EEFSEC: variants seen among roughly 807,000 people sequenced by gnomAD.
EEFSEC encodes the protein eukaryotic elongation factor, selenocysteine-tRNA specific.
Under a neutral mutation model 42.1 loss-of-function variants are expected in EEFSEC, and 43 were observed. The observed-to-expected ratio is 1.02, with a 90% confidence interval of 0.80 to 1.32. The LOEUF is 1.32. EEFSEC is among the 40% of genes most tolerant of loss of function. The pLI, the probability that EEFSEC is intolerant of heterozygous loss-of-function variation, is 0.00. For synonymous variants in EEFSEC, 354 were observed against 339.1 expected, an observed-to-expected ratio of 1.04 and a Z score of -0.48; for missense variants, 745 against 803.6, an observed-to-expected ratio of 0.93 and a Z score of 0.88.
At chr3:128,183,526 A>G (rs1461657769) in intron 1 of EEFSEC, among the ~76,000 whole-genome samples, 1 of 152,178 alleles carries the variant, frequency 6.6e-6, no homozygotes. Flanking sequence ...CTTCCTAAGG[A>G]AGGCTTTTGG....
chr3:128,294,160 TA>T (rs1439011938), intron 4 of EEFSEC, among the ~76,000 whole-genome samples: 4 of 152,128 alleles, frequency 2.6e-5, no homozygotes, highest in African/African-American at 9.7e-5. Context: ...TGGGAGCCAT[TA>T]GGGGTCCTCA....
At chr3:128,377,538 G>A (rs1448314702) in intron 6 of EEFSEC, among the ~76,000 whole-genome samples, 3 of 152,232 alleles carry the variant, frequency 2.0e-5, no homozygotes, top group Admixed American at 6.5e-5. Flanking sequence ...CAAGAGCTGT[G>A]TTCAGTCATG....
At chr3:128,342,192 A>G (rs574980102) in intron 5 of EEFSEC, among the ~76,000 whole-genome samples, 4 of 152,178 alleles carry the variant, frequency 2.6e-5, no homozygotes, top group Admixed American at 2.6e-4. Context: ...GGGTCTGAGC[A>G]GGTCTGGGCT....
At chr3:128,336,819 CAT>C (rs2108068066) in intron 4 of EEFSEC, 1 of 145,084 alleles carries the variant, frequency 6.9e-6, no homozygotes, top group South Asian at 2.2e-4. Flanking sequence ...ATCTAATTAA[CAT>C]CTTTCTTCTC....
chr3:128,370,299 TAGG>T (rs958214198), intron 6 of EEFSEC, among the ~76,000 whole-genome samples: 1 of 152,064 alleles, frequency 6.6e-6, no homozygotes, highest in African/African-American at 2.4e-5. Context: ...AGGTGGTTGT[TAGG>T]AGGTTCAATG....
chr3:128,313,951 G>A (rs1198812319), intron 4 of EEFSEC, among the ~76,000 whole-genome samples: 1 of 152,152 alleles, frequency 6.6e-6, no homozygotes, highest in Non-Finnish European at 1.5e-5. Context: ...GGAAGCTTAT[G>A]TATCTCCCCC....
intron 1 of EEFSEC, among the ~76,000 whole-genome samples, chr3:128,231,498 T>C (rs1429645282): frequency 6.6e-6 from 1 of 152,084 alleles, no homozygotes; most frequent in Non-Finnish European, 1.5e-5. Flanking sequence ...TTCTAAAAGG[T>C]TAGTAATGGT....
At chr3:128,214,814 G>A (rs2065793096) in intron 1 of EEFSEC, among the ~76,000 whole-genome samples, 2 of 152,326 alleles carry the variant, frequency 1.3e-5, no homozygotes, top group South Asian at 4.1e-4. Flanking sequence ...CCACCTGAAA[G>A]CTATAAGGAA....
At chr3:128,302,700 C>G (rs1487003506) in intron 4 of EEFSEC, among the ~76,000 whole-genome samples, 1 of 151,878 alleles carries the variant, frequency 6.6e-6, no homozygotes, top group Non-Finnish European at 1.5e-5. Context: ...AGGAGCCTCT[C>G]CTCCTCTATC....
At chr3:128,225,742 T>C (rs2065901476) in intron 1 of EEFSEC, among the ~76,000 whole-genome samples, 2 of 152,224 alleles carry the variant, frequency 1.3e-5, no homozygotes, top group Non-Finnish European at 2.9e-5. Flanking sequence ...TCCTCTGGTC[T>C]GGATGGTTAG....
At chr3:128,384,912 G>C (rs551871670) in intron 6 of EEFSEC, among the ~76,000 whole-genome samples, 6 of 152,298 alleles carry the variant, frequency 3.9e-5, no homozygotes, top group South Asian at 4.1e-4. Context: ...AAGCAGCAGT[G>C]GTGGGACAGG....
At chr3:128,348,271 C>CGTGTGTGTGTGCGTGTGTGT (rs71618139) in intron 5 of EEFSEC, among the ~76,000 whole-genome samples, 7 of 147,702 alleles carry the variant, frequency 4.7e-5, no homozygotes, top group South Asian at 2.1e-4. Flanking sequence ...TGTGTGTGTG[C>CGTGTGTGTGTGCGTGTGTGT]GTGTGCGTGT....
intron 1 of EEFSEC, among the ~76,000 whole-genome samples, chr3:128,223,317 A>C (rs1423854083): frequency 6.6e-6 from 1 of 152,170 alleles, no homozygotes; most frequent in Non-Finnish European, 1.5e-5. Context: ...TGTAATCCTA[A>C]GAATAGTGCT....
chr3:128,289,648 GTC>G (rs2066622553), intron 4 of EEFSEC, among the ~76,000 whole-genome samples: 1 of 152,178 alleles, frequency 6.6e-6, no homozygotes, highest in African/African-American at 2.4e-5. Context: ...CACAGTATGG[GTC>G]AAACAAAACA....
At chr3:128,321,267 C>T (rs916994141) in intron 4 of EEFSEC, among the ~76,000 whole-genome samples, 1 of 152,102 alleles carries the variant, frequency 6.6e-6, no homozygotes, top group Non-Finnish European at 1.5e-5. Context: ...TGGCTTGGAA[C>T]TGGCTTTCTG....
At chr3:128,250,051 T>A (rs2066168285) in intron 2 of EEFSEC, among the ~76,000 whole-genome samples, 1 of 152,210 alleles carries the variant, frequency 6.6e-6, no homozygotes, top group South Asian at 2.1e-4. Flanking sequence ...GTATCTTTTT[T>A]TGAGAAATAT....
At chr3:128,179,841 A>G (rs1050139141) in intron 1 of EEFSEC, among the ~76,000 whole-genome samples, 4 of 152,228 alleles carry the variant, frequency 2.6e-5, no homozygotes, top group Non-Finnish European at 5.9e-5. Flanking sequence ...TTAATATGCA[A>G]GTACATTTGA....
chr3:128,204,811 C>T (rs1251318729), intron 1 of EEFSEC, among the ~76,000 whole-genome samples: 4 of 152,052 alleles, frequency 2.6e-5, no homozygotes, highest in Non-Finnish European at 5.9e-5. Flanking sequence ...CAAGTTGGTG[C>T]TTCACTGAGA....
chr3:128,291,166 A>G (rs529834573), intron 4 of EEFSEC, among the ~76,000 whole-genome samples: 29 of 151,664 alleles, frequency 1.9e-4, no homozygotes, highest in Non-Finnish European at 4.0e-4. Context: ...CAGGCTATAT[A>G]TTTTATTATT....
Sources: allele counts gnomAD v4.1 joint callset (sites outside exome capture counted in the v4.1 genomes callset), GRCh38; gene constraint gnomAD v4.1.1; transcripts MANE v1.5; gene names NCBI Gene and HGNC (gene_info 2026-07-23, HGNC 2026-07-21).